The following UPP2 variants were observed in gnomAD, a reference collection of about 807,000 sequenced individuals.
UPP2 encodes UPase 2.
A neutral mutation model predicts 26.7 loss-of-function variants in UPP2; 23 were observed. The ratio of observed to expected loss-of-function variants is 0.86; its 90% CI spans 0.62 to 1.22. The LOEUF (loss-of-function observed/expected upper bound fraction) is 1.22, where lower values mean the gene tolerates loss of function less well. Ranked by LOEUF, UPP2 falls within the 50% of genes most tolerant of loss-of-function variation. The probability of loss-of-function intolerance (pLI) is 0.00; values close to 1 mark genes in which losing one functional copy is unlikely to be tolerated. For synonymous variants in UPP2, 127 were observed against 141.3 expected, an observed-to-expected ratio of 0.90 and a Z score of 0.72; for missense variants, 387 against 396.7, an observed-to-expected ratio of 0.98 and a Z score of 0.21.
upstream of UPP2, among the ~76,000 whole-genome samples, chr2:158,101,043 G>T (rs1460292339): frequency 6.6e-6 from 1 of 152,170 alleles, no homozygotes; most frequent in African/African-American, 2.4e-5. Flanking sequence ...AAGCATATTA[G>T]GAGGTGTCTT....
intron 2 of UPP2, among the ~76,000 whole-genome samples, chr2:158,107,583 G>A (rs1243760897): frequency 1.3e-5 from 2 of 152,106 alleles, no homozygotes; most frequent in Admixed American, 6.5e-5. Context: ...GGGTCAAGAG[G>A]CAGGTGAGAA....
intron 3 of UPP2, among the ~76,000 whole-genome samples, chr2:158,053,013 A>C (rs1186436882): frequency 6.6e-6 from 1 of 152,186 alleles, no homozygotes; most frequent in African/African-American, 2.4e-5. Flanking sequence ...ATCACCTCAC[A>C]AATCTCCTCA....
intron 3 of UPP2, among the ~76,000 whole-genome samples, chr2:158,069,140 C>T (rs894781016): frequency 5.9e-5 from 9 of 151,916 alleles, no homozygotes; most frequent in African/African-American, 2.4e-5. Flanking sequence ...AGGCTAGTCG[C>T]CTCTGGAACA....
intron 3 of UPP2, among the ~76,000 whole-genome samples, chr2:158,063,842 T>G (rs1011766618): frequency 6.6e-6 from 1 of 152,146 alleles, no homozygotes; most frequent in Non-Finnish European, 1.5e-5. Context: ...TGAGAACATA[T>G]GGTGTTTGGT....
intron 2 of UPP2, among the ~76,000 whole-genome samples, chr2:158,000,662 G>A (rs928411765): frequency 2.6e-5 from 4 of 152,200 alleles, no homozygotes; most frequent in African/African-American, 4.8e-5. Context: ...ATCAAATCTC[G>A]GAGAAATTTA....
At chr2:158,069,243 G>A (rs1322504893) in intron 3 of UPP2, among the ~76,000 whole-genome samples, 1 of 152,136 alleles carries the variant, frequency 6.6e-6, no homozygotes, top group African/African-American at 2.4e-5. Flanking sequence ...TCTTGATTTA[G>A]TGCCCATGAG....
At position 158,117,886 on chromosome 2, in the gene UPP2, T is replaced by A; in HGVS notation, c.402T>A (p.His134Gln). ...ATGAACTCATCAAATTACTCCACCA[T>A]GCACGGTGCTGCGATGTCACCATTA... ...MLHELIKLLHHARCCDVTIIR... is the reference protein window; with the variant it reads ...MLHELIKLLHQARCCDVTIIR... The change falls in exon 4 of 7, where the codon CAT becomes CAA. Residue 134 changes from histidine to glutamine, a missense_variant. By Grantham distance (24) the His-to-Gln change is conservative. Coordinates refer to ENST00000005756, the MANE Select transcript of UPP2 (RefSeq NM_173355.4). The A allele has an allele frequency of 6.2e-7, 1 of 1,613,270 alleles. No individual in the cohort carries two copies. The highest frequency in any genetic ancestry group is 8.5e-7 in the Non-Finnish European group (1 of 1,179,284).
chr2:158,041,246 A>C (rs1385845187), intron 3 of UPP2, among the ~76,000 whole-genome samples: 1 of 152,218 alleles, frequency 6.6e-6, no homozygotes, highest in East Asian at 1.9e-4. Context: ...TTAAAAATGA[A>C]AGGTATAAAA....
At chr2:158,070,561 C>T (rs550939801) in intron 3 of UPP2, among the ~76,000 whole-genome samples, 1 of 152,348 alleles carries the variant, frequency 6.6e-6, no homozygotes, top group East Asian at 1.9e-4. Flanking sequence ...CTCTGCCATG[C>T]TGGCATTTTT....
At position 158,018,966 on chromosome 2, in the gene UPP2, C is replaced by T. The variant is rs1319878266; in HGVS notation, c.147+3080C>T. Among the ~76,000 whole-genome samples the T allele has an allele frequency of 3.9e-5, 6 of 151,956 alleles. No individual in the cohort carries two copies. The East Asian group carries it at 1.2e-3, about 29-fold the overall frequency. ...ACTTATAGACAGAAGCATGGTCTTG[C>T]GTGGCCCCAAGATAGGTAGATCTCC... On this transcript the variant is annotated intron_variant, in intron 3 of 9. Coordinates refer to the UPP2 transcript ENST00000605860.
At chr2:158,111,150 T>C (rs1683311386) in intron 2 of UPP2, among the ~76,000 whole-genome samples, 2 of 152,206 alleles carry the variant, frequency 1.3e-5, no homozygotes, top group Non-Finnish European at 2.9e-5. Context: ...GGTCTAACAT[T>C]TAAGTCTTGC....
At chr2:158,047,033 TG>T (rs1478924581) in intron 3 of UPP2, among the ~76,000 whole-genome samples, 1 of 152,194 alleles carries the variant, frequency 6.6e-6, no homozygotes, top group Non-Finnish European at 1.5e-5. Flanking sequence ...GCAGTCTCTC[TG>T]GGTTATAAAT....
At chr2:158,065,565 A>G (rs1682421493) in intron 3 of UPP2, 2 of 542,178 alleles carry the variant, frequency 3.7e-6, no homozygotes, top group South Asian at 3.1e-5. Flanking sequence ...TGAACTGTCC[A>G]GCTCCTGTGG....
Position 158,020,757 on chromosome 2 carries a change from A to G in UPP2, c.147+4871A>G, listed in dbSNP as rs541320705. 3.3e-5 allele frequency among the ~76,000 whole-genome samples: 5 copies of G among 152,380 alleles called. No homozygotes were observed. The East Asian group carries it at 9.6e-4, about 29-fold the overall frequency. Reference sequence around the variant, plus strand: ...TGCTTCACTGGTGATCAAGGATGTTAAACACAATCCCTGTGGACCAGAGGC... The same window carrying G: ...TGCTTCACTGGTGATCAAGGATGTTGAACACAATCCCTGTGGACCAGAGGC... On this transcript the variant is annotated intron_variant, in intron 3 of 9. Transcript: ENST00000605860.
At chr2:158,028,020 C>T (rs1683862800) in intron 3 of UPP2, among the ~76,000 whole-genome samples, 1 of 152,234 alleles carries the variant, frequency 6.6e-6, no homozygotes, top group Non-Finnish European at 1.5e-5. Context: ...TCTCCTAGGC[C>T]TCTGGGCCTG....
intron 2 of UPP2, among the ~76,000 whole-genome samples, chr2:158,001,009 T>C (rs1683395770): frequency 6.6e-6 from 1 of 152,232 alleles, no homozygotes; most frequent in African/African-American, 2.4e-5. Context: ...GTAACTGCAT[T>C]CACTTCTCTG....
intron 2 of UPP2, among the ~76,000 whole-genome samples, chr2:158,010,605 T>C (rs1398680585): frequency 6.6e-6 from 1 of 152,174 alleles, no homozygotes; most frequent in Non-Finnish European, 1.5e-5. Flanking sequence ...TATGCATGAA[T>C]TCAATTTAAA....
chr2:158,002,972 GC>G (rs911711594), intron 2 of UPP2, among the ~76,000 whole-genome samples: 3 of 151,776 alleles, frequency 2.0e-5, no homozygotes, highest in African/African-American at 7.3e-5. Flanking sequence ...TAGCTAAATG[GC>G]CATCTATGCT....
At chr2:158,036,949 C>T (rs991985006) in intron 3 of UPP2, among the ~76,000 whole-genome samples, 7 of 152,178 alleles carry the variant, frequency 4.6e-5, no homozygotes, top group Non-Finnish European at 1.0e-4. Context: ...CAACAAAACA[C>T]TGGCTCAGTA....
Sources: gnomAD v4.1 joint callset for allele counts (sites outside exome capture counted in the v4.1 genomes callset) on GRCh38, gnomAD v4.1.1 for gene constraint, MANE v1.5 for transcripts, NCBI Gene and HGNC (gene_info 2026-07-23, HGNC 2026-07-21) for gene names.